The following CAPN15 variants were observed in gnomAD, a reference collection of about 807,000 sequenced individuals.
CAPN15 encodes calpain-15.
In CAPN15, 53 loss-of-function variants were observed where a neutral mutation model predicts 97.9. The ratio of observed to expected loss-of-function variants is 0.54; its 90% CI spans 0.43 to 0.68. The LOEUF is 0.68. CAPN15 is among the 30% of genes least tolerant of loss of function. The pLI, the probability that CAPN15 is intolerant of heterozygous loss-of-function variation, is 0.00. For synonymous variants in CAPN15, 922 were observed against 722.5 expected, an observed-to-expected ratio of 1.28 and a Z score of -4.43; for missense variants, 1,592 against 1,589.8, an observed-to-expected ratio of 1.00 and a Z score of -0.02.
intron 9 of CAPN15, 35 bp downstream of exon 9, chr16:551,699 C>T (rs1259745011): frequency 6.3e-7 from 1 of 1,579,400 alleles, no homozygotes; most frequent in Admixed American, 1.7e-5. Context: ...CACGCCGCCC[C>T]CGCCCTCCTA....
rs2035144402 is a variant in CAPN15, at chr16:552,275, A to T, written c.2508-26A>T. On this transcript the variant is annotated intron_variant, in intron 10 of 13. Transcript: ENST00000219611. The surrounding 1 kb of genome is among the most constrained non-coding windows in gnomAD (Gnocchi z 6.4). ...AGGCTGGCGGCCGTGACCACGCGTG[A>T]CCCTGGCCCGTGGTGTCTGGCGCAG... The T allele has an allele frequency of 6.5e-7, 1 of 1,540,704 alleles. No homozygotes were observed. Among genetic ancestry groups the T allele is most frequent in the Admixed American group, 2.0e-5 (1 of 51,080 alleles).
chr16:536,003 G>GGCCCCCCCCC (rs2033687116), intron 2 of CAPN15, 26 bp from the exon 3 acceptor site: 1 of 34,082 alleles, frequency 2.9e-5, no homozygotes, highest in African/African-American at 2.0e-4. Flanking sequence ...GCCCCTGCAC[G>GGCCCCCCCCC]CCCCCCCCCC....
Position 553,587 on chromosome 16 carries a change from C to G in CAPN15, c.*71C>G. ...CCCACACGCACTTTATGAGGGAGACCCCGACAGAGGACGCTTGAGCCAGAA... is the reference window on the plus strand; with the variant it reads ...CCCACACGCACTTTATGAGGGAGACGCCGACAGAGGACGCTTGAGCCAGAA... On this transcript the variant is annotated 3_prime_UTR_variant, in exon 14 of 14. Transcript: ENST00000219611. 1 of 966,674 alleles carries G rather than the reference C, an allele frequency of 1.0e-6. No homozygotes were observed. The highest frequency in any genetic ancestry group is 2.8e-5 in the East Asian group (1 of 35,824). The allele number at this position is 966,674 out of a possible 1,614,324, so 59.9% of individuals were successfully genotyped here.
At chr16:542,276 C>A (rs2034173182) in intron 3 of CAPN15, among the ~76,000 whole-genome samples, 1 of 151,262 alleles carries the variant, frequency 6.6e-6, no homozygotes, top group South Asian at 2.1e-4. Context: ...GACCTGTTTT[C>A]ATTTATCTTG....
intron 9 of CAPN15, 108 bp downstream of exon 9, chr16:551,772 G>A: frequency 7.1e-7 from 1 of 1,418,364 alleles, no homozygotes. Context: ...GGGGCGGCTT[G>A]TTCGTGGCCC....
chr16:533,899 C>T, intron 1 of CAPN15, 47 bp from the exon 2 acceptor site: 1 of 947,922 alleles, frequency 1.1e-6, no homozygotes, highest in Non-Finnish European at 1.3e-6. Flanking sequence ...GGGTCAGAGT[C>T]CTCCTGGTGG....
intron 1 of CAPN15, chr16:528,876 G>A: frequency 1.7e-6 from 1 of 586,604 alleles, no homozygotes; most frequent in Non-Finnish European, 2.1e-6. Context: ...CAGGTCTGAG[G>A]GGTGCGGAAA....
Position 548,016 on chromosome 16 carries a change from G to T in CAPN15, c.1178G>T (p.Gly393Val). 6.4e-7 allele frequency: 1 copy of T among 1,573,150 alleles called. No homozygotes were observed. Among genetic ancestry groups the T allele is most frequent in the Non-Finnish European group, 8.6e-7 (1 of 1,161,640 alleles). ...GGGGCCGACAAGCCCAGCCCCTGCG[G>T]CAGAAGCTGCGGACGGGTGTCCTCG... ...DCGADKPSPC[G>V]RSCGRVSSAQ... The change falls in exon 4 of 14, where the codon GGC becomes GTC. Residue 393 changes from glycine to valine, a missense_variant. Gly to Val is a moderately radical substitution (Grantham distance 109). This residue lies in a region of CAPN15 where 883 missense variants were observed against 776.6 expected (regional missense o/e 1.14). Transcript: ENST00000219611.
Position 547,646 on chromosome 16 carries a change from G to A in CAPN15, c.808G>A (p.Gly270Ser), listed in dbSNP as rs754817832. ...PEAAQPSPSA[G>S]CRGAPQGSGW... is the part of the protein sequence containing the mutation. ...GGCTGCCCAGCCGTCACCCTCTGCCGGCTGCAGGGGAGCCCCCCAGGGCTC... is the reference window on the plus strand; with the variant it reads ...GGCTGCCCAGCCGTCACCCTCTGCCAGCTGCAGGGGAGCCCCCCAGGGCTC... Residue 270 changes from glycine to serine, a missense_variant, in exon 4 of 14, where the codon GGC becomes AGC. Coordinates refer to ENST00000219611, the MANE Select transcript of CAPN15 (RefSeq NM_005632.3). The A allele has an allele frequency of 3.2e-5, 51 of 1,569,632 alleles. No homozygotes were observed. Among genetic ancestry groups the A allele is most frequent in the Admixed American group, 8.7e-5 (5 of 57,386 alleles).
At chr16:545,774 G>C (rs934169567) in intron 3 of CAPN15, among the ~76,000 whole-genome samples, 2 of 152,356 alleles carry the variant, frequency 1.3e-5, no homozygotes, top group East Asian at 1.9e-4. Context: ...GCGGGGTGCA[G>C]AGTCTGTGAA....
In CAPN15 at chr16:552,440, G is replaced by A. The variant is rs759603193; in HGVS notation, c.2647G>A (p.Asp883Asn). The A allele has an allele frequency of 4.8e-5, 77 of 1,610,094 alleles. No individual in the cohort carries two copies. Among genetic ancestry groups the A allele is most frequent in the African/African-American group, 6.7e-5 (5 of 74,884 alleles). ...KRAVKKFVSC[D>N]VMLEPGEYAV... is the part of the protein sequence containing the mutation. ...CGCGGTCAAGAAGTTCGTCAGCTGC[G>A]ACGTCATGCTGGAGCCTGGCGAGTA... The change falls in exon 11 of 14, where the codon GAC becomes AAC. Residue 883 changes from aspartate (D) to asparagine (N), a missense_variant. Asp to Asn is a conservative substitution (Grantham distance 23, BLOSUM62 1). This residue lies in a region of CAPN15 where 644 missense variants were observed against 699.6 expected (regional missense o/e 0.92). Transcript: ENST00000219611. This position sits in a 1 kb window ranked among gnomAD's most constrained non-coding sequence, Gnocchi z 6.4.
intron 3 of CAPN15, chr16:537,853 C>G (rs2033838652): frequency 6.6e-6 from 1 of 152,334 alleles, no homozygotes; most frequent in Non-Finnish European, 1.5e-5. Context: ...ACCCCGTGGA[C>G]CTCGCCTGCG....
chr16:551,778 G>T (rs2035098862), intron 9 of CAPN15, 114 bp downstream of exon 9: 2 of 1,332,338 alleles, frequency 1.5e-6, no homozygotes, highest in Non-Finnish European at 2.1e-6. Context: ...GCTTGTTCGT[G>T]GCCCAAATGG....
chr16:554,360 GC>G lies in CAPN15; in HGVS notation c.*848del. On this transcript the variant is annotated 3_prime_UTR_variant, in exon 14 of 14. Transcript: ENST00000219611. The stretch of plus-strand genomic sequence containing the variant: ...GCCCAGCTTTCTGCGTGCCCTCCTG[GC>G]CCCTCACTCCCGGCAGCGGGCCGGC... 2.6e-6 allele frequency: 1 copy of G among 385,876 alleles called. No homozygotes were observed. Among genetic ancestry groups the G allele is most frequent in the Non-Finnish European group, 5.1e-6 (1 of 194,516 alleles). 23.9% of individuals were successfully genotyped at this position (385,876 alleles called of 1,614,324 possible).
chr16:551,238 C>T (rs2035054469), intron 7 of CAPN15, 64 bp from the exon 8 acceptor site: 2 of 1,498,616 alleles, frequency 1.3e-6, no homozygotes, highest in African/African-American at 1.5e-5. Context: ...AGTGAGGGTC[C>T]CCGGTCGGTG....
intron 3 of CAPN15, chr16:539,441 G>C (rs535347876): frequency 4.0e-4 from 61 of 152,432 alleles, no homozygotes; most frequent in African/African-American, 1.5e-3. Flanking sequence ...AGCCAGAGGG[G>C]GTAAGGTGGC....
chr16:530,231 C>T (rs547057249), intron 1 of CAPN15, among the ~76,000 whole-genome samples: 2 of 152,348 alleles, frequency 1.3e-5, no homozygotes, highest in South Asian at 2.1e-4. Context: ...AGCACTTACA[C>T]TTGGGACCGC....
chr16:537,491 G>C, intron 3 of CAPN15: 2 of 967,392 alleles, frequency 2.1e-6, no homozygotes, highest in Non-Finnish European at 2.5e-6. Flanking sequence ...TGGCAGGTGT[G>C]CAGTCCTCAC....
At position 548,031 on chromosome 16, in the gene CAPN15, G is replaced by C. The variant is rs759853359; in HGVS notation, c.1193G>C (p.Arg398Pro). The C allele has an allele frequency of 6.4e-6, 10 of 1,564,272 alleles. No individual in the cohort carries two copies. Among genetic ancestry groups the C allele is most frequent in the East Asian group, 4.8e-5 (2 of 41,712 alleles). Residue 398 changes from arginine (R) to proline (P), a missense_variant, in exon 4 of 14, where the codon CGG becomes CCG. Around this residue, in one of 3 missense-constraint regions of CAPN15, gnomAD observed 883 missense variants for 776.6 expected, o/e 1.14. Coordinates refer to ENST00000219611, the MANE Select transcript of CAPN15 (RefSeq NM_005632.3). ...AGCCCCTGCGGCAGAAGCTGCGGAC[G>C]GGTGTCCTCGGCCCAGAAGGCCGCC... Reference protein sequence around the residue: ...KPSPCGRSCGRVSSAQKAARV... With the variant: ...KPSPCGRSCGPVSSAQKAARV...
Sources: allele counts gnomAD v4.1 joint callset (sites outside exome capture counted in the v4.1 genomes callset), GRCh38; gene constraint gnomAD v4.1.1; regional missense constraint gnomAD v4.1.1; non-coding constraint Gnocchi (gnomAD v3.1); transcripts MANE v1.5; gene names NCBI Gene and HGNC (gene_info 2026-07-23, HGNC 2026-07-21).